SDK1: variants seen among roughly 807,000 people sequenced by gnomAD.
The protein encoded by SDK1 is protein sidekick-1.
In SDK1, 157 loss-of-function variants were observed where a neutral mutation model predicts 245.5. That is an observed-to-expected ratio of 0.64 (90% confidence interval 0.56 to 0.73). The LOEUF is 0.73. Among genes scored for constraint, SDK1 ranks in the 30% least tolerant of loss-of-function variants. The pLI is 0.00. For missense variants in SDK1, 3,583 were observed against 3,002.3 expected, an observed-to-expected ratio of 1.19 and a Z score of -4.52; for synonymous variants, 1,647 against 1,278.5, an observed-to-expected ratio of 1.29 and a Z score of -6.15.
Position 4,251,501 on chromosome 7 carries a change from T to C in SDK1, c.6381+5696T>C, listed in dbSNP as rs573708118. On this transcript the variant is annotated intron_variant, in intron 44 of 44. Coordinates refer to ENST00000404826, the MANE Select transcript of SDK1 (RefSeq NM_152744.4). ...CGGCTTTACCATAGCCTTGCACTTATAGCAAACTGCAACTGCATTGTAGGT... is the reference window on the plus strand; with the variant it reads ...CGGCTTTACCATAGCCTTGCACTTACAGCAAACTGCAACTGCATTGTAGGT... 7.2e-5 allele frequency among the ~76,000 whole-genome samples: 11 copies of C among 152,310 alleles called. No individual in the cohort carries two copies. The East Asian group carries it at 9.6e-4, about 13-fold the overall frequency.
At chr7:4,183,720 T>G (rs1424062173) in intron 35 of SDK1, among the ~76,000 whole-genome samples, 4 of 152,070 alleles carry the variant, frequency 2.6e-5, no homozygotes, top group African/African-American at 7.2e-5. Context: ...TCTCTCAGCC[T>G]TTTATTAGCT....
At chr7:3,311,610 G>GA (rs1779552035) in intron 1 of SDK1, among the ~76,000 whole-genome samples, 1 of 152,160 alleles carries the variant, frequency 6.6e-6, no homozygotes, top group South Asian at 2.1e-4. Flanking sequence ...TCATTTGGCA[G>GA]AATGGTAAGT....
chr7:3,394,465 C>T (rs1781841534), intron 1 of SDK1, among the ~76,000 whole-genome samples: 1 of 151,916 alleles, frequency 6.6e-6, no homozygotes, highest in South Asian at 2.1e-4. Flanking sequence ...TTAGAAAAGA[C>T]CTCCAGTTTT....
intron 1 of SDK1, among the ~76,000 whole-genome samples, chr7:3,496,739 G>C (rs1782038056): frequency 6.6e-6 from 1 of 152,114 alleles, no homozygotes; most frequent in Non-Finnish European, 1.5e-5. Flanking sequence ...ATTTTCATTT[G>C]TTACATTCTG....
At position 4,079,456 on chromosome 7, in the gene SDK1, T is replaced by C; in HGVS notation, c.3203-7T>C. The C allele has an allele frequency of 6.2e-7, 1 of 1,614,092 alleles. No homozygotes were observed. Among genetic ancestry groups the C allele is most frequent in the African/African-American group, 1.3e-5 (1 of 75,044 alleles). On this transcript the variant is annotated splice_region_variant and splice_polypyrimidine_tract_variant and intron_variant, in intron 21 of 44. Transcript: ENST00000404826. ...ATCTCTCCCTTTCCTCCCTGGTTCC[T>C]CTCTAGACCTTCCTGGTGCCCCATC... is the stretch of plus-strand genomic sequence containing the variant.
chr7:3,310,397 T>C (rs1779522176), intron 1 of SDK1, among the ~76,000 whole-genome samples: 1 of 151,952 alleles, frequency 6.6e-6, no homozygotes, highest in African/African-American at 2.4e-5. Context: ...ACAATTGAGG[T>C]GAGAGAAAGT....
chr7:3,980,302 CTGT>C (rs1336355865), intron 13 of SDK1, among the ~76,000 whole-genome samples: 5 of 152,202 alleles, frequency 3.3e-5, no homozygotes, highest in African/African-American at 7.2e-5. Context: ...GTTTCCGTTA[CTGT>C]TGTTGTTAAT....
chr7:3,518,951 C>T (rs375757002), intron 1 of SDK1, among the ~76,000 whole-genome samples: 15 of 146,448 alleles, frequency 1.0e-4, no homozygotes, highest in East Asian at 6.1e-4. Context: ...CAATGGAATA[C>T]GCTATTCAGC....
chr7:4,021,848 C>A lies in SDK1; in HGVS notation c.2602+4496C>A, dbSNP rs58587403. Among the ~76,000 whole-genome samples the A allele has an allele frequency of 4.8e-3, 737 of 152,352 alleles. 7 individuals carry two copies. Among genetic ancestry groups the A allele is most frequent in the African/African-American group, 0.017 (697 of 41,586 alleles). Reference sequence around the variant, plus strand: ...AAGGGGAAGCTCACAGCTTCTGCCTCACTTTCTAAGTGAGATGAAATCTGA... The same window carrying A: ...AAGGGGAAGCTCACAGCTTCTGCCTAACTTTCTAAGTGAGATGAAATCTGA... On this transcript the variant is annotated intron_variant, in intron 17 of 44. Transcript: ENST00000404826.
intron 1 of SDK1, among the ~76,000 whole-genome samples, chr7:3,605,921 A>G (rs1467754895): frequency 1.3e-5 from 2 of 152,072 alleles, no homozygotes; most frequent in African/African-American, 2.4e-5. Context: ...ATTTTTTAAG[A>G]TAAAATTTAT....
chr7:3,588,168 A>G (rs1204243023), intron 1 of SDK1, among the ~76,000 whole-genome samples: 2 of 152,178 alleles, frequency 1.3e-5, no homozygotes, highest in Non-Finnish European at 2.9e-5. Flanking sequence ...GACTTATTAT[A>G]ATCTGATTTG....
chr7:3,927,658 A>G (rs1779820044), intron 5 of SDK1, among the ~76,000 whole-genome samples: 1 of 152,232 alleles, frequency 6.6e-6, no homozygotes, highest in South Asian at 2.1e-4. Context: ...CCAAGAGTCC[A>G]TCTGTCTCCT....
At chr7:3,519,459 G>C (rs1367520686) in intron 1 of SDK1, among the ~76,000 whole-genome samples, 1 of 152,054 alleles carries the variant, frequency 6.6e-6, no homozygotes, top group Admixed American at 6.5e-5. Flanking sequence ...TTACACTTTT[G>C]GGGATTTGTT....
At chr7:4,023,306 C>G (rs993659549) in intron 17 of SDK1, among the ~76,000 whole-genome samples, 6 of 152,086 alleles carry the variant, frequency 3.9e-5, no homozygotes, top group African/African-American at 1.4e-4. Flanking sequence ...ACTCCATGAC[C>G]TTTTCAGCTC....
chr7:3,565,881 C>T (rs926356860), intron 1 of SDK1, among the ~76,000 whole-genome samples: 1 of 152,172 alleles, frequency 6.6e-6, no homozygotes, highest in Non-Finnish European at 1.5e-5. Context: ...CACAGTTGAT[C>T]AGATCCATAG....
At position 3,952,364 on chromosome 7, in the gene SDK1, A is replaced by G. The variant is rs544425988; in HGVS notation, c.1150+444A>G. 3.3e-5 allele frequency among the ~76,000 whole-genome samples: 5 copies of G among 152,306 alleles called. No individual in the cohort carries two copies. In the East Asian group the frequency reaches 9.7e-4, roughly 29 times the overall value. On this transcript the variant is annotated intron_variant, in intron 7 of 44. Coordinates refer to ENST00000404826, the MANE Select transcript of SDK1 (RefSeq NM_152744.4). Reference sequence around the variant, plus strand: ...GAGGCCAAGGTGGGCGGATCACTTGAGGCCAGGAGTTCGAGACCAGCCTGG... The same window carrying G: ...GAGGCCAAGGTGGGCGGATCACTTGGGGCCAGGAGTTCGAGACCAGCCTGG...
intron 4 of SDK1, among the ~76,000 whole-genome samples, chr7:3,771,982 G>T (rs746263734): frequency 1.3e-5 from 2 of 152,112 alleles, no homozygotes; most frequent in African/African-American, 2.4e-5. Flanking sequence ...TCTACTCCGT[G>T]TACTTCATAT....
At chr7:4,210,718 C>G (rs1472156260) in intron 38 of SDK1, among the ~76,000 whole-genome samples, 1 of 152,224 alleles carries the variant, frequency 6.6e-6, no homozygotes, top group African/African-American at 2.4e-5. Flanking sequence ...ATGCTGGAAT[C>G]GAGGACCTGG....
chr7:3,619,878 T>C (rs1187525452), intron 2 of SDK1, among the ~76,000 whole-genome samples: 1 of 152,172 alleles, frequency 6.6e-6, no homozygotes, highest in African/African-American at 2.4e-5. Context: ...GACTGAGGTG[T>C]AGATTCACCT....
Sources: gnomAD v4.1 joint callset for allele counts (sites outside exome capture counted in the v4.1 genomes callset) on GRCh38, gnomAD v4.1.1 for gene constraint, MANE v1.5 for transcripts, NCBI Gene and HGNC (gene_info 2026-07-23, HGNC 2026-07-21) for gene names.